Variants in ADK observed in about 807,000 individuals in gnomAD.
ADK encodes the protein N6,N6-dimethyladenosine kinase.
A neutral mutation model predicts 44.7 loss-of-function variants in ADK; 24 were observed. That is an observed-to-expected ratio of 0.54 (90% confidence interval 0.39 to 0.76). The LOEUF (loss-of-function observed/expected upper bound fraction) is 0.76. Ranked by LOEUF, ADK falls within the 30% of genes least tolerant of loss-of-function variation. The pLI, the probability that ADK is intolerant of heterozygous loss-of-function variation, is 0.00. For missense variants in ADK, 321 were observed against 425.1 expected (o/e 0.76, Z 2.15); for synonymous variants, 128 against 142.6 (o/e 0.90, Z 0.73).
At chr10:74,501,863 G>A (rs1293970893) in intron 6 of ADK, among the ~76,000 whole-genome samples, 1 of 152,074 alleles carries the variant, frequency 6.6e-6, no homozygotes, top group Non-Finnish European at 1.5e-5. Context: ...GAGGAATGGG[G>A]AATAACTTTT....
intron 2 of ADK, among the ~76,000 whole-genome samples, chr10:74,206,190 G>A (rs1430495330): frequency 6.6e-6 from 1 of 152,162 alleles, no homozygotes; most frequent in Non-Finnish European, 1.5e-5. Context: ...GTAAAATAAA[G>A]TATAGAGACA....
Position 74,465,286 on chromosome 10 carries a change from A to G in ADK, c.556-59970A>G, listed in dbSNP as rs1402113578. Reference sequence around the variant, plus strand: ...GCCAGGAGCATAGCATGTTTAAGGAATAGCCAGGAGATTAATATGGCTAGA... The same window carrying G: ...GCCAGGAGCATAGCATGTTTAAGGAGTAGCCAGGAGATTAATATGGCTAGA... On this transcript the variant is annotated intron_variant, in intron 6 of 10. Coordinates refer to ENST00000539909, the MANE Select transcript of ADK (RefSeq NM_006721.4). Among the ~76,000 whole-genome samples, 9 of 152,206 alleles carry G rather than the reference A, an allele frequency of 5.9e-5. No homozygotes were observed. In the East Asian group the frequency reaches 1.5e-3, roughly 26 times the overall value.
intron 9 of ADK, among the ~76,000 whole-genome samples, chr10:74,619,585 C>A (rs1353080279): frequency 6.6e-6 from 1 of 152,102 alleles, no homozygotes; most frequent in Admixed American, 6.5e-5. Flanking sequence ...TTTTTTCTAA[C>A]ATATTAATCA....
chr10:74,359,332 T>C (rs1402755526), intron 4 of ADK, among the ~76,000 whole-genome samples: 1 of 152,136 alleles, frequency 6.6e-6, no homozygotes, highest in Non-Finnish European at 1.5e-5. Context: ...TTTTAGGATT[T>C]GTTTTTTCTA....
chr10:74,212,746 T>G (rs1198392426), intron 2 of ADK, among the ~76,000 whole-genome samples: 1 of 152,244 alleles, frequency 6.6e-6, no homozygotes, highest in Non-Finnish European at 1.5e-5. Context: ...TTGTCTGTAG[T>G]GGATCAATAG....
intron 6 of ADK, among the ~76,000 whole-genome samples, chr10:74,468,949 G>T (rs73290272): frequency 6.6e-6 from 1 of 151,908 alleles, no homozygotes; most frequent in African/African-American, 2.4e-5. Flanking sequence ...TAGACAAGGG[G>T]TGTGTGTGTA....
intron 5 of ADK, among the ~76,000 whole-genome samples, chr10:74,394,982 T>G (rs767023040): frequency 6.8e-4 from 103 of 152,358 alleles, no homozygotes; most frequent in South Asian, 1.4e-3. Flanking sequence ...TGTACCCACA[T>G]GGAGATACTC....
rs145389678 is a variant in ADK at position 74,612,267 on chromosome 10, T to G, written c.877+11774T>G. Among the ~76,000 whole-genome samples, 76 of 152,212 alleles carry G rather than the reference T, an allele frequency of 5.0e-4. 2 individuals are homozygous for G. In the East Asian group the frequency reaches 0.013, roughly 27 times the overall value. Reference sequence around the variant, plus strand: ...TTTGTTGGCTGCTTGTATGTTCCCATTTTTAAAAATTGTATTGATTTATTT... The same window carrying G: ...TTTGTTGGCTGCTTGTATGTTCCCAGTTTTAAAAATTGTATTGATTTATTT... On this transcript the variant is annotated intron_variant, in intron 9 of 10. Coordinates refer to ENST00000539909, the MANE Select transcript of ADK (RefSeq NM_006721.4).
At chr10:74,700,085 C>A (rs1856359479) in intron 10 of ADK, among the ~76,000 whole-genome samples, 1 of 152,080 alleles carries the variant, frequency 6.6e-6, no homozygotes, top group Admixed American at 6.5e-5. Context: ...AAATTTTATT[C>A]ATTGTAGCAT....
chr10:74,576,486 A>G (rs1392265645), intron 7 of ADK, among the ~76,000 whole-genome samples: 2 of 152,192 alleles, frequency 1.3e-5, no homozygotes, highest in African/African-American at 2.4e-5. Flanking sequence ...TACTCAATTT[A>G]TATCTTAAAT....
chr10:74,453,221 C>CT (rs1589125332), intron 6 of ADK, among the ~76,000 whole-genome samples: 2 of 151,990 alleles, frequency 1.3e-5, no homozygotes, highest in Admixed American at 1.3e-4. Context: ...AAAAGTCCAC[C>CT]TAATGAATGG....
At chr10:74,594,971 T>G (rs1365713611) in intron 8 of ADK, among the ~76,000 whole-genome samples, 3 of 151,604 alleles carry the variant, frequency 2.0e-5, no homozygotes, top group African/African-American at 4.8e-5. Context: ...ACATCAGGAG[T>G]TCGAGACCAG....
chr10:74,362,344 C>T (rs1842361372), intron 4 of ADK, among the ~76,000 whole-genome samples: 1 of 149,666 alleles, frequency 6.7e-6, no homozygotes, highest in Admixed American at 6.7e-5. Flanking sequence ...TTCTGTTGCT[C>T]TCTATTGAGA....
At chr10:74,499,484 C>G (rs371652522) in intron 6 of ADK, among the ~76,000 whole-genome samples, 3 of 152,042 alleles carry the variant, frequency 2.0e-5, no homozygotes, top group Admixed American at 2.0e-4. Context: ...GTCAGGAGAT[C>G]GAGACCATCC....
intron 7 of ADK, among the ~76,000 whole-genome samples, chr10:74,559,640 C>T (rs1050081701): frequency 3.9e-5 from 6 of 152,182 alleles, no homozygotes; most frequent in African/African-American, 1.2e-4. Flanking sequence ...TCTACCAAAT[C>T]ATATTCTCTG....
chr10:74,572,834 G>A (rs184536008), intron 7 of ADK, among the ~76,000 whole-genome samples: 5 of 152,202 alleles, frequency 3.3e-5, no homozygotes, highest in African/African-American at 9.6e-5. Flanking sequence ...TAGTTCTCGA[G>A]CCTTGGCTTT....
In ADK at chr10:74,480,066, C is replaced by CT. The variant is rs1847008643; in HGVS notation, c.556-45182dup. On this transcript the variant is annotated intron_variant, in intron 6 of 10. Transcript: ENST00000539909. ...GTATGTGTACAGTATCCTCTGTGTTCTTTTTTTTCTATTACTTTATACTTT... is the reference window on the plus strand; with the variant it reads ...GTATGTGTACAGTATCCTCTGTGTTCTTTTTTTTTCTATTACTTTATACTTT... Among the ~76,000 whole-genome samples the CT allele has an allele frequency of 2.6e-5, 4 of 151,864 alleles. No homozygotes were observed. In the South Asian group the frequency reaches 6.2e-4, roughly 24 times the overall value.
At chr10:74,353,840 C>T (rs945823244) in intron 4 of ADK, among the ~76,000 whole-genome samples, 2 of 152,074 alleles carry the variant, frequency 1.3e-5, no homozygotes, top group Non-Finnish European at 2.9e-5. Flanking sequence ...TGCACTCCAG[C>T]TCTGGCGACA....
At chr10:74,473,354 A>G (rs937765820) in intron 6 of ADK, among the ~76,000 whole-genome samples, 1 of 152,176 alleles carries the variant, frequency 6.6e-6, no homozygotes, top group African/African-American at 2.4e-5. Context: ...TAACACCTTA[A>G]ATAACTGTAG....
Sources: gnomAD v4.1 joint callset for allele counts (sites outside exome capture counted in the v4.1 genomes callset) on GRCh38, gnomAD v4.1.1 for gene constraint, MANE v1.5 for transcripts, NCBI Gene and HGNC (gene_info 2026-07-23, HGNC 2026-07-21) for gene names.